Variants in ZBTB20 observed in about 807,000 individuals in gnomAD.
ZBTB20 encodes zinc finger and BTB domain-containing protein 20.
In ZBTB20, 9 loss-of-function variants were observed where a neutral mutation model predicts 56.9. The ratio of observed to expected loss-of-function variants is 0.16; its 90% CI spans 0.10 to 0.28. The LOEUF is 0.28. Ranked by LOEUF, ZBTB20 falls within the 10% of genes least tolerant of loss-of-function variation. The pLI is 1.00. For synonymous variants in ZBTB20, 417 were observed against 420.7 expected, an observed-to-expected ratio of 0.99 and a Z score of 0.11; for missense variants, 655 against 1,003.0, an observed-to-expected ratio of 0.65 and a Z score of 4.69.
chr3:114,591,852 T>G (rs975272165), intron 6 of ZBTB20, among the ~76,000 whole-genome samples: 1 of 152,190 alleles, frequency 6.6e-6, no homozygotes, highest in Non-Finnish European at 1.5e-5. Context: ...AGCATTGCAC[T>G]TTGAAAGCAT....
At chr3:115,090,878 C>T (rs189892258) in intron 1 of ZBTB20, among the ~76,000 whole-genome samples, 2 of 151,928 alleles carry the variant, frequency 1.3e-5, no homozygotes, top group Admixed American at 6.6e-5. Context: ...AATACGTGGA[C>T]TGAAACCTCT....
At chr3:114,788,446 T>C (rs983354408) in intron 5 of ZBTB20, among the ~76,000 whole-genome samples, 2 of 152,184 alleles carry the variant, frequency 1.3e-5, no homozygotes, top group African/African-American at 4.8e-5. Context: ...CTCGGCACAA[T>C]GCATTAAAGT....
intron 6 of ZBTB20, among the ~76,000 whole-genome samples, chr3:114,572,059 C>A (rs959937024): frequency 6.6e-6 from 1 of 151,486 alleles, no homozygotes; most frequent in African/African-American, 2.4e-5. Context: ...CTCATCCAAT[C>A]CCCACAGCAA....
At chr3:114,400,259 T>G (rs1004220139) in intron 7 of ZBTB20, among the ~76,000 whole-genome samples, 2 of 152,160 alleles carry the variant, frequency 1.3e-5, no homozygotes, top group African/African-American at 4.8e-5. Context: ...AAGGAATCAA[T>G]GAATGGCATA....
chr3:114,529,359 G>A (rs1052264374), intron 6 of ZBTB20: 1 of 152,196 alleles, frequency 6.6e-6, no homozygotes, highest in African/African-American at 2.4e-5. Context: ...GTCTTTACAT[G>A]AGCAAGAGAG....
At chr3:114,714,075 ACT>A (rs1273102163) in intron 5 of ZBTB20, 2 of 152,610 alleles carry the variant, frequency 1.3e-5, no homozygotes, top group Non-Finnish European at 2.9e-5. Flanking sequence ...AAAAAATGTC[ACT>A]CTAATATACT....
At chr3:115,126,187 T>A (rs1181005406) in intron 1 of ZBTB20, among the ~76,000 whole-genome samples, 1 of 152,062 alleles carries the variant, frequency 6.6e-6, no homozygotes, top group Non-Finnish European at 1.5e-5. Flanking sequence ...TGGCAAAAAT[T>A]AAGAAGTCTG....
rs747331748 is a variant in ZBTB20 at position 114,349,092 on chromosome 3, T to G, written c.1804+1182A>C. Reference sequence around the variant, plus strand: ...GCATGTGCCTGTAGACCCAGCTACTTGGGAGGCTGAAGTGGGAGGATTGCT... The same window carrying G: ...GCATGTGCCTGTAGACCCAGCTACTGGGGAGGCTGAAGTGGGAGGATTGCT... On this transcript the variant is annotated intron_variant, in intron 11 of 11. Transcript: ENST00000675478. Among the ~76,000 whole-genome samples the G allele has an allele frequency of 4.0e-5, 6 of 150,924 alleles. No homozygotes were observed. In the South Asian group the frequency reaches 1.3e-3, roughly 32 times the overall value.
chr3:115,063,686 C>CACAA (rs2082100080), intron 2 of ZBTB20, among the ~76,000 whole-genome samples: 2 of 149,962 alleles, frequency 1.3e-5, no homozygotes, highest in African/African-American at 5.0e-5. Context: ...CACACACAAA[C>CACAA]ACACACACAC....
At chr3:115,104,138 A>G (rs919389480) in intron 1 of ZBTB20, among the ~76,000 whole-genome samples, 5 of 152,208 alleles carry the variant, frequency 3.3e-5, no homozygotes, top group Admixed American at 6.5e-5. Flanking sequence ...CACATTAAAA[A>G]TAACAATGAC....
chr3:114,398,714 A>C (rs1280853496), intron 7 of ZBTB20, among the ~76,000 whole-genome samples: 1 of 152,210 alleles, frequency 6.6e-6, no homozygotes, highest in Non-Finnish European at 1.5e-5. Flanking sequence ...AATCATGGTA[A>C]CTTGATGAAA....
chr3:115,104,392 C>T (rs1445980196), intron 1 of ZBTB20, among the ~76,000 whole-genome samples: 2 of 152,178 alleles, frequency 1.3e-5, no homozygotes, highest in African/African-American at 4.8e-5. Context: ...AACCTACACA[C>T]AGATGTTTAC....
At chr3:114,960,149 A>C (rs540866378) in intron 3 of ZBTB20, among the ~76,000 whole-genome samples, 1 of 152,356 alleles carries the variant, frequency 6.6e-6, no homozygotes, top group African/African-American at 2.4e-5. Context: ...AGTAACTAGA[A>C]TATATAATCT....
intron 1 of ZBTB20, among the ~76,000 whole-genome samples, chr3:115,142,923 G>A (rs2084858756): frequency 6.6e-6 from 1 of 152,086 alleles, no homozygotes; most frequent in Non-Finnish European, 1.5e-5. Flanking sequence ...GAGGGCTGGA[G>A]GAGGGAGGAT....
At chr3:114,863,203 C>G (rs997313662) in intron 4 of ZBTB20, among the ~76,000 whole-genome samples, 1 of 152,028 alleles carries the variant, frequency 6.6e-6, no homozygotes, top group Non-Finnish European at 1.5e-5. Flanking sequence ...CAACATATAT[C>G]CATAAAGTGG....
intron 7 of ZBTB20, among the ~76,000 whole-genome samples, chr3:114,454,235 A>ATAG (rs905873793): frequency 1.3e-5 from 2 of 148,774 alleles, no homozygotes; most frequent in African/African-American, 5.1e-5. Flanking sequence ...TTTAATAGAC[A>ATAG]TAGGAAGCAG....
intron 6 of ZBTB20, among the ~76,000 whole-genome samples, chr3:114,659,371 C>T (rs1416732547): frequency 6.6e-6 from 1 of 152,204 alleles, no homozygotes; most frequent in Non-Finnish European, 1.5e-5. Flanking sequence ...AACTAGGAAG[C>T]CCTACCCTTC....
intron 8 of ZBTB20, among the ~76,000 whole-genome samples, chr3:114,382,460 C>G (rs982890626): frequency 6.6e-6 from 1 of 152,166 alleles, no homozygotes; most frequent in Non-Finnish European, 1.5e-5. Flanking sequence ...TCCTGGGAAT[C>G]TACATTCTGG....
chr3:114,784,048 A>G (rs2108782525), intron 5 of ZBTB20, among the ~76,000 whole-genome samples: 1 of 152,338 alleles, frequency 6.6e-6, no homozygotes, highest in Non-Finnish European at 1.5e-5. Context: ...GGTATAACCT[A>G]TAGTCCATAA....
Sources: gnomAD v4.1 joint callset for allele counts (sites outside exome capture counted in the v4.1 genomes callset) on GRCh38, gnomAD v4.1.1 for gene constraint, MANE v1.5 for transcripts, NCBI Gene and HGNC (gene_info 2026-07-23, HGNC 2026-07-21) for gene names.